The following RSRC1 variants were observed in gnomAD, a reference collection of about 807,000 sequenced individuals.
RSRC1 encodes serine/Arginine-related protein 53.
In RSRC1, 39 loss-of-function variants were observed where a neutral mutation model predicts 49.1. The observed-to-expected ratio is 0.79, with a 90% CI of 0.61 to 1.04. The LOEUF is 1.04. Among genes scored for constraint, RSRC1 ranks in the 50% least tolerant of loss-of-function variants. RSRC1 has a pLI of 0.00. For synonymous variants in RSRC1, 143 were observed against 130.8 expected (o/e 1.09, Z -0.63); for missense variants, 388 against 402.4 (o/e 0.96, Z 0.31).
chr3:158,345,788 T>TACATAC (rs1553790096), intron 5 of RSRC1, among the ~76,000 whole-genome samples: 1 of 148,774 alleles, frequency 6.7e-6, no homozygotes, highest in Admixed American at 6.8e-5. Flanking sequence ...TATATATATA[T>TACATAC]ACACATATAT....
intron 4 of RSRC1, among the ~76,000 whole-genome samples, chr3:158,249,539 C>A (rs1367502337): frequency 6.6e-6 from 1 of 152,084 alleles, no homozygotes; most frequent in South Asian, 2.1e-4. Context: ...TTGGTTGTTA[C>A]CAATTTTTGA....
At chr3:158,440,887 A>G (rs1736347506) in intron 6 of RSRC1, among the ~76,000 whole-genome samples, 1 of 152,024 alleles carries the variant, frequency 6.6e-6, no homozygotes, top group South Asian at 2.1e-4. Flanking sequence ...GCTTGCAGAG[A>G]CCCGAGATCA....
intron 5 of RSRC1, among the ~76,000 whole-genome samples, chr3:158,307,415 C>A (rs965765934): frequency 6.6e-6 from 1 of 151,914 alleles, no homozygotes; most frequent in African/African-American, 2.4e-5. Context: ...TCTTAAGTCA[C>A]TGCTTACCTA....
At chr3:158,126,006 A>G (rs992901860) in intron 3 of RSRC1, among the ~76,000 whole-genome samples, 4 of 151,998 alleles carry the variant, frequency 2.6e-5, no homozygotes, top group African/African-American at 9.7e-5. Context: ...TGTCTTGTGT[A>G]AGTATGGCCA....
intron 4 of RSRC1, among the ~76,000 whole-genome samples, chr3:158,228,869 A>ATATAAACACATACGTGTATATGTGTG (rs1722683375): frequency 2.7e-5 from 2 of 73,282 alleles, no homozygotes; most frequent in African/African-American, 6.1e-5. Context: ...GTATATATGT[A>ATATAAACACATACGTGTATATGTGTG]TATAAACACA....
At chr3:158,179,073 A>G (rs1175186542) in intron 3 of RSRC1, among the ~76,000 whole-genome samples, 4 of 152,226 alleles carry the variant, frequency 2.6e-5, no homozygotes, top group African/African-American at 9.6e-5. Context: ...TAAGTGTACT[A>G]TCTGCAAATA....
chr3:158,511,770 C>A (rs1027927232), intron 7 of RSRC1, among the ~76,000 whole-genome samples: 4 of 152,136 alleles, frequency 2.6e-5, no homozygotes, highest in African/African-American at 9.6e-5. Context: ...TTCTCCACAT[C>A]CTCTCCAGCA....
At chr3:158,288,839 C>CCT in intron 4 of RSRC1, among the ~76,000 whole-genome samples, 1 of 80,924 alleles carries the variant, frequency 1.2e-5, no homozygotes, top group African/African-American at 5.1e-5. Flanking sequence ...TTCCCCGCCC[C>CCT]CCCCCCCCCC....
intron 6 of RSRC1, among the ~76,000 whole-genome samples, chr3:158,414,768 G>A (rs1050006252): frequency 3.3e-5 from 5 of 151,826 alleles, no homozygotes; most frequent in Admixed American, 2.0e-4. Flanking sequence ...TGAACTGGAA[G>A]GTTAATTATA....
At chr3:158,376,818 G>A (rs890606727) in intron 6 of RSRC1, among the ~76,000 whole-genome samples, 1 of 151,994 alleles carries the variant, frequency 6.6e-6, no homozygotes, top group African/African-American at 2.4e-5. Context: ...GTTGGACGGG[G>A]AAGTTGGCAT....
chr3:158,314,534 T>G (rs1174054336), intron 5 of RSRC1, among the ~76,000 whole-genome samples: 2 of 152,132 alleles, frequency 1.3e-5, no homozygotes, highest in Admixed American at 1.3e-4. Context: ...TTAGCAGGTG[T>G]CAAGTAGTCC....
chr3:158,121,196 A>G (rs1025627610), intron 1 of RSRC1, among the ~76,000 whole-genome samples: 3 of 151,944 alleles, frequency 2.0e-5, no homozygotes, highest in Non-Finnish European at 4.4e-5. Context: ...CCTTTAGAAA[A>G]ATTTTTTCAG....
intron 6 of RSRC1, among the ~76,000 whole-genome samples, chr3:158,456,501 G>A (rs1737326835): frequency 6.6e-6 from 1 of 152,078 alleles, no homozygotes; most frequent in African/African-American, 2.4e-5. Context: ...CAGCTCTCAA[G>A]GAGACAAGTA....
chr3:158,252,933 T>C (rs972355646), intron 4 of RSRC1, among the ~76,000 whole-genome samples: 12 of 152,152 alleles, frequency 7.9e-5, no homozygotes, highest in Non-Finnish European at 1.3e-4. Flanking sequence ...TTGTAGTGTC[T>C]CCTTTTTCAT....
intron 7 of RSRC1, among the ~76,000 whole-genome samples, chr3:158,480,208 G>T (rs1302735416): frequency 6.6e-6 from 1 of 151,954 alleles, no homozygotes; most frequent in Non-Finnish European, 1.5e-5. Flanking sequence ...AAAGAAATCT[G>T]TGCTATTTTA....
At chr3:158,179,008 G>A (rs1719429436) in intron 3 of RSRC1, among the ~76,000 whole-genome samples, 1 of 152,070 alleles carries the variant, frequency 6.6e-6, no homozygotes, top group Admixed American at 6.6e-5. Context: ...TAAGCTTGCT[G>A]AATTCTTTTA....
At chr3:158,447,912 TAAA>T (rs951084304) in intron 6 of RSRC1, among the ~76,000 whole-genome samples, 2 of 151,924 alleles carry the variant, frequency 1.3e-5, no homozygotes, top group Non-Finnish European at 2.9e-5. Context: ...TTCTTATTTT[TAAA>T]AAGATTGCTT....
intron 4 of RSRC1, among the ~76,000 whole-genome samples, chr3:158,270,965 G>A (rs995421276): frequency 2.6e-5 from 4 of 151,986 alleles, no homozygotes; most frequent in Non-Finnish European, 4.4e-5. Context: ...TGAAAGAATT[G>A]GGTGAACTTA....
chr3:158,379,814 G>GCACACACACACACACACACA (rs140953408), intron 6 of RSRC1, among the ~76,000 whole-genome samples: 11 of 146,928 alleles, frequency 7.5e-5, no homozygotes, highest in African/African-American at 2.3e-4. Context: ...ACACGCGCAT[G>GCACACACACACACACACACA]CACACACACA....
Sources: allele counts gnomAD v4.1 joint callset (sites outside exome capture counted in the v4.1 genomes callset), GRCh38; gene constraint gnomAD v4.1.1; transcripts MANE v1.5; gene names NCBI Gene and HGNC (gene_info 2026-07-23, HGNC 2026-07-21).